SYNE1: variants seen among roughly 807,000 people sequenced by gnomAD.
SYNE1 encodes spectrin repeat containing nuclear envelope protein 1.
SYNE1 carries 616 observed loss-of-function variants against 1,111.0 expected under a neutral mutation model. The ratio of observed to expected loss-of-function variants is 0.55; its 90% CI spans 0.52 to 0.59. SYNE1 has a LOEUF of 0.59. Among genes scored for constraint, SYNE1 ranks in the 20% least tolerant of loss-of-function variants. The probability of loss-of-function intolerance (pLI) is 0.00; values close to 1 mark genes in which losing one functional copy is unlikely to be tolerated. For missense variants in SYNE1, 10,006 were observed against 10,417.0 expected, an observed-to-expected ratio of 0.96 and a Z score of 1.72; for synonymous variants, 3,855 against 3,825.8, an observed-to-expected ratio of 1.01 and a Z score of -0.28.
intron 3 of SYNE1, among the ~76,000 whole-genome samples, chr6:152,586,514 T>C (rs1246821359): frequency 1.3e-5 from 2 of 152,154 alleles, no homozygotes; most frequent in African/African-American, 4.8e-5. Context: ...ATGTAACTAA[T>C]GATAGGTTTG....
rs1028548586 is a variant in SYNE1, at chr6:152,164,259, C to A, written c.23694G>T (p.Arg7898Ser). Residue 7898 changes from arginine to serine, a missense_variant, in exon 131 of 146, where the codon AGG becomes AGT. Arg to Ser is a moderately radical substitution (Grantham distance 110). Coordinates refer to ENST00000367255, the MANE Select transcript of SYNE1 (RefSeq NM_182961.4). ...CTGACTCGATGTGAGCGAGCCAGGT[C>A]CTCAGGCTGCTCATGTTCTTATCAA... ...QQLDKNMSSL[R>S]TWLAHIESEL... The A allele has an allele frequency of 3.1e-6, 5 of 1,614,048 alleles. No individual in the cohort carries two copies. Among genetic ancestry groups the A allele is most frequent in the Admixed American group, 3.3e-5 (2 of 59,992 alleles).
intron 129 of SYNE1, among the ~76,000 whole-genome samples, chr6:152,177,697 C>T (rs9479235): frequency 0.022 from 3,326 of 152,198 alleles, 106 homozygotes; most frequent in African/African-American, 0.075. Context: ...AAGACCAATA[C>T]GTTGAATGTA....
chr6:152,276,030 CTTT>C (rs749642435), intron 98 of SYNE1, among the ~76,000 whole-genome samples: 3 of 84,014 alleles, frequency 3.6e-5, no homozygotes, highest in African/African-American at 4.7e-5. Flanking sequence ...TTCTCGACTT[CTTT>C]TTTTTTTTTT....
In SYNE1 at chr6:152,300,780, A is replaced by T; in HGVS notation, c.17543T>A (p.Met5848Lys). Residue 5848 changes from methionine (M) to lysine (K), a missense_variant and splice_region_variant, in exon 93 of 146, where the codon ATG becomes AAG. Transcript: ENST00000367255. Reference protein sequence around the residue: ...TPSAHPSVVMMTAGRCHTLLS... With the variant: ...TPSAHPSVVMKTAGRCHTLLS... The stretch of plus-strand genomic sequence containing the variant: ...CAAAGTGTGACAGCGACCTGCAGTC[A>T]TCTGCCACGTAAAATGTAGCCCAAA... 6.2e-7 allele frequency: 1 copy of T among 1,614,250 alleles called. No homozygotes were observed. The highest frequency in any genetic ancestry group is 8.5e-7 in the Non-Finnish European group (1 of 1,180,046).
At chr6:152,158,342 T>C (rs190222710) in intron 131 of SYNE1, among the ~76,000 whole-genome samples, 5 of 152,328 alleles carry the variant, frequency 3.3e-5, no homozygotes, top group Admixed American at 3.3e-4. Context: ...ATTTGCTTAT[T>C]TTTTCTCTTG....
chr6:152,369,577 G>T lies in SYNE1; in HGVS notation c.9545C>A (p.Ala3182Asp), dbSNP rs763637146. ...ACTCAGCCAGTCCTGGATAGGCTCA[G>T]CACTTACTTCAAAGTCCTTCATTTG... Reference protein sequence around the residue: ...KIQMKDFEVSAEPIQDWLSKT... With the variant: ...KIQMKDFEVSDEPIQDWLSKT... Residue 3182 changes from alanine (A) to aspartate (D), a missense_variant, in exon 60 of 146, where the codon GCT (alanine) becomes GAT (aspartate). By Grantham distance (126) the Ala-to-Asp change is moderately radical. Around this residue, in one of 7 missense-constraint regions of SYNE1, gnomAD observed 4,955 missense variants for 5,017.2 expected, o/e 0.99. Transcript: ENST00000367255. 94 of 1,614,152 alleles carry T rather than the reference G, an allele frequency of 5.8e-5. No individual in the cohort carries two copies. The South Asian group carries it at 7.9e-4, about 14-fold the overall frequency.
intron 131 of SYNE1, 63 bp downstream of exon 131, chr6:152,164,100 C>G: frequency 6.2e-7 from 1 of 1,604,662 alleles, no homozygotes; most frequent in Non-Finnish European, 8.5e-7. Context: ...CCCACCCCAT[C>G]ATCCTGGCCA....
At chr6:152,425,747 C>T (rs745540463) in intron 38 of SYNE1, among the ~76,000 whole-genome samples, 200 bp from the exon 39 acceptor site, 6 of 152,148 alleles carry the variant, frequency 3.9e-5, no homozygotes, top group African/African-American at 9.7e-5. Flanking sequence ...ATCCACTTAA[C>T]CTTTAGGGGA....
chr6:152,225,611 A>T, intron 116 of SYNE1, 110 bp downstream of exon 116: 1 of 1,290,702 alleles, frequency 7.7e-7, no homozygotes, highest in Non-Finnish European at 1.1e-6. Flanking sequence ...ACAAGGAGAT[A>T]ATGTATAGAT....
intron 72 of SYNE1, among the ~76,000 whole-genome samples, chr6:152,348,189 A>T (rs2096672509): frequency 6.6e-6 from 1 of 152,192 alleles, no homozygotes; most frequent in Non-Finnish European, 1.5e-5. Flanking sequence ...ATTATATATA[A>T]GCCTGACGAA....
chr6:152,377,920 A>C (rs949800500), intron 56 of SYNE1, among the ~76,000 whole-genome samples: 1 of 152,036 alleles, frequency 6.6e-6, no homozygotes, highest in Non-Finnish European at 1.5e-5. Flanking sequence ...ACAATTTAAT[A>C]GATGAGGGAG....
intron 130 of SYNE1, among the ~76,000 whole-genome samples, chr6:152,170,729 C>T (rs2064981710): frequency 6.6e-6 from 1 of 152,170 alleles, no homozygotes; most frequent in Admixed American, 6.5e-5. Flanking sequence ...TGTGTTTTAC[C>T]TCCACAGCCT....
At chr6:152,350,823 A>C in intron 70 of SYNE1, 53 bp from the exon 71 acceptor site, 1 of 1,603,542 alleles carries the variant, frequency 6.2e-7, no homozygotes, top group Non-Finnish European at 8.5e-7. Context: ...GGACAAGATG[A>C]ATACATACAT....
At chr6:152,193,936 C>G (rs1230027545) in intron 127 of SYNE1, among the ~76,000 whole-genome samples, 2 of 151,398 alleles carry the variant, frequency 1.3e-5, no homozygotes, top group African/African-American at 4.9e-5. Context: ...TGGCATGAAC[C>G]CAGGAGGCAG....
intron 3 of SYNE1, among the ~76,000 whole-genome samples, chr6:152,574,444 TA>T (rs1346027324): frequency 2.0e-5 from 3 of 152,086 alleles, no homozygotes; most frequent in Non-Finnish European, 4.4e-5. Flanking sequence ...ACCTGACAGT[TA>T]ATTGCTGTAA....
At chr6:152,547,757 T>C (rs2099321295) in intron 3 of SYNE1, among the ~76,000 whole-genome samples, 1 of 152,186 alleles carries the variant, frequency 6.6e-6, no homozygotes, top group Admixed American at 6.5e-5. Flanking sequence ...ATAAATGATA[T>C]CACACAGTAC....
rs373801733 is a variant in SYNE1 at position 152,391,592 on chromosome 6, AAAG to A, written c.7713-27_7713-25del. 3.6e-3 allele frequency: 5,607 copies of A among 1,544,058 alleles called. 190 individuals carry two copies. The African/African-American group carries it at 0.086, about 24-fold the overall frequency. ...CTCTGAAAAAAAGGAAAAAAAAAAA[AAAG>A]AAAAAAAATTAATTCTGACATCCTG... On this transcript the variant is annotated intron_variant, in intron 51 of 145. Coordinates refer to ENST00000367255, the MANE Select transcript of SYNE1 (RefSeq NM_182961.4).
chr6:152,505,223 G>T lies in SYNE1; in HGVS notation c.756C>A (p.Ile252=), dbSNP rs1241383804. 1.2e-6 allele frequency: 2 copies of T among 1,613,914 alleles called. No homozygotes were observed. Residue 252 remains isoleucine (I), a synonymous_variant, in exon 9 of 146, where the codon ATC becomes ATA. Coordinates refer to ENST00000367255, the MANE Select transcript of SYNE1 (RefSeq NM_182961.4). ...AFTIAETELG[I]PRLLDPEDVD... ...TACCTTCAGGATCTAGCAGTCTTGGGATCCCCAGTTCTGTTTCGGCGATAG... is the reference window on the plus strand; with the variant it reads ...TACCTTCAGGATCTAGCAGTCTTGGTATCCCCAGTTCTGTTTCGGCGATAG...
chr6:152,135,275 A>G (rs753005285), intron 141 of SYNE1, 43 bp from the exon 142 acceptor site: 1 of 1,592,986 alleles, frequency 6.3e-7, no homozygotes, highest in African/African-American at 1.4e-5. Flanking sequence ...AAATATTTTT[A>G]TTTCTCTCAA....
Sources: allele counts gnomAD v4.1 joint callset (sites outside exome capture counted in the v4.1 genomes callset), GRCh38; gene constraint gnomAD v4.1.1; regional missense constraint gnomAD v4.1.1; transcripts MANE v1.5; gene names NCBI Gene and HGNC (gene_info 2026-07-23, HGNC 2026-07-21).